TINAG: variants seen among roughly 807,000 people sequenced by gnomAD.
TINAG encodes tubulointerstitial nephritis antigen.
In TINAG, 83 loss-of-function variants were observed where a neutral mutation model predicts 72.7. The observed-to-expected ratio is 1.14, with a 90% CI of 0.96 to 1.37. The LOEUF is 1.37. Among genes scored for constraint, TINAG ranks in the 40% most tolerant of loss-of-function variants. TINAG has a pLI of 0.00. For synonymous variants in TINAG, 234 were observed against 189.9 expected (o/e 1.23, Z -1.91); for missense variants, 685 against 576.6 (o/e 1.19, Z -1.93).
At chr6:54,337,698 T>C (rs1024057023) in intron 4 of TINAG, among the ~76,000 whole-genome samples, 4 of 152,172 alleles carry the variant, frequency 2.6e-5, no homozygotes, top group African/African-American at 7.2e-5. Flanking sequence ...AACACAGTTA[T>C]ATACTTTTTA....
At chr6:54,370,265 T>C (rs1285789678) in intron 9 of TINAG, among the ~76,000 whole-genome samples, 1 of 152,104 alleles carries the variant, frequency 6.6e-6, no homozygotes, top group Non-Finnish European at 1.5e-5. Context: ...ATTTCTTTTA[T>C]GTGAGTTTAC....
At chr6:54,324,062 T>C (rs1018653304) in intron 3 of TINAG, among the ~76,000 whole-genome samples, 1 of 152,126 alleles carries the variant, frequency 6.6e-6, no homozygotes, top group Non-Finnish European at 1.5e-5. Context: ...TAGGGGAGAA[T>C]AGAAGCTGTA....
intron 4 of TINAG, among the ~76,000 whole-genome samples, chr6:54,330,449 T>A (rs921613815): frequency 6.6e-6 from 1 of 152,150 alleles, no homozygotes; most frequent in African/African-American, 2.4e-5. Flanking sequence ...GGGACACAGC[T>A]AAAACAGTGT....
intron 4 of TINAG, among the ~76,000 whole-genome samples, chr6:54,335,616 T>G (rs1339451291): frequency 6.6e-6 from 1 of 152,170 alleles, no homozygotes; most frequent in East Asian, 1.9e-4. Context: ...AAGAACTGAG[T>G]TGAACTGGAA....
At chr6:54,353,978 A>G (rs1183348572) in intron 8 of TINAG, among the ~76,000 whole-genome samples, 1 of 151,894 alleles carries the variant, frequency 6.6e-6, no homozygotes, top group African/African-American at 2.4e-5. Context: ...AAAGTGTACA[A>G]CATTGCTTAT....
intron 9 of TINAG, among the ~76,000 whole-genome samples, chr6:54,355,575 A>G (rs1763011624): frequency 6.6e-6 from 1 of 151,882 alleles, no homozygotes; most frequent in African/African-American, 2.4e-5. Flanking sequence ...AAATTATCAC[A>G]TTTCTTTGAA....
At chr6:54,377,165 A>T (rs1763807835) in intron 9 of TINAG, among the ~76,000 whole-genome samples, 1 of 152,184 alleles carries the variant, frequency 6.6e-6, no homozygotes, top group African/African-American at 2.4e-5. Context: ...CCAAATAGCC[A>T]GTATTAAGAT....
At chr6:54,343,375 C>T (rs769112805) in intron 5 of TINAG, 26 bp downstream of exon 5, 2 of 1,472,968 alleles carry the variant, frequency 1.4e-6, no homozygotes, top group Non-Finnish European at 1.8e-6. Flanking sequence ...TAATTCCTTC[C>T]TTATAAACTA....
chr6:54,347,000 T>C (rs1330813456), intron 5 of TINAG, among the ~76,000 whole-genome samples: 1 of 152,146 alleles, frequency 6.6e-6, no homozygotes, highest in East Asian at 1.9e-4. Context: ...ATATGCAAGA[T>C]ACTGTTCTAG....
chr6:54,320,451 T>A (rs897828558), intron 1 of TINAG, 128 bp from the exon 2 acceptor site: 7 of 645,326 alleles, frequency 1.1e-5, no homozygotes, highest in African/African-American at 1.8e-5. Context: ...TGGATTTCTA[T>A]CAGCTTTTTT....
At chr6:54,350,493 T>C (rs1785239760) in intron 7 of TINAG, among the ~76,000 whole-genome samples, 1 of 151,626 alleles carries the variant, frequency 6.6e-6, no homozygotes, top group African/African-American at 2.4e-5. Flanking sequence ...GTACTACTTT[T>C]ATACACTCAT....
At chr6:54,365,013 C>T (rs1763362640) in intron 9 of TINAG, among the ~76,000 whole-genome samples, 1 of 151,390 alleles carries the variant, frequency 6.6e-6, no homozygotes, top group African/African-American at 2.4e-5. Flanking sequence ...TCTTTTTCCT[C>T]TGTCTTTTTG....
At chr6:54,331,671 C>T (rs1034237561) in intron 4 of TINAG, among the ~76,000 whole-genome samples, 3 of 152,210 alleles carry the variant, frequency 2.0e-5, no homozygotes, top group African/African-American at 7.2e-5. Flanking sequence ...GTCAAATTGT[C>T]TCTGTTTGCA....
chr6:54,365,532 A>G (rs1421648271), intron 9 of TINAG: 1 of 151,552 alleles, frequency 6.6e-6, no homozygotes, highest in African/African-American at 2.4e-5. Context: ...AGGGACAATG[A>G]AGAAGAGCAT....
chr6:54,358,507 T>C (rs1374510305), intron 9 of TINAG, among the ~76,000 whole-genome samples: 1 of 150,732 alleles, frequency 6.6e-6, no homozygotes, highest in East Asian at 2.0e-4. Flanking sequence ...TTGCTGTTAC[T>C]TATATTTACA....
chr6:54,345,559 C>CACCATTTTTTAAATGGT (rs1785101092), intron 5 of TINAG, among the ~76,000 whole-genome samples: 1 of 152,132 alleles, frequency 6.6e-6, no homozygotes, highest in Non-Finnish European at 1.5e-5. Flanking sequence ...AACACAGTTA[C>CACCATTTTTTAAATGGT]ACCATTTTTT....
At chr6:54,374,069 T>A (rs958502141) in intron 9 of TINAG, among the ~76,000 whole-genome samples, 1 of 152,128 alleles carries the variant, frequency 6.6e-6, no homozygotes, top group African/African-American at 2.4e-5. Flanking sequence ...GAGTATGAAC[T>A]GGGCACACAC....
intron 3 of TINAG, among the ~76,000 whole-genome samples, chr6:54,326,326 A>C (rs1264070052): frequency 6.6e-6 from 1 of 151,900 alleles, no homozygotes; most frequent in Non-Finnish European, 1.5e-5. Flanking sequence ...AATTTTTAAA[A>C]ATCTGATGTC....
At chr6:54,345,194 A>C (rs2150956142) in intron 5 of TINAG, among the ~76,000 whole-genome samples, 1 of 152,250 alleles carries the variant, frequency 6.6e-6, no homozygotes, top group South Asian at 2.1e-4. Flanking sequence ...AGAGAGTGGA[A>C]AACAATTGGT....
Sources: gnomAD v4.1 joint callset for allele counts (sites outside exome capture counted in the v4.1 genomes callset) on GRCh38, gnomAD v4.1.1 for gene constraint, MANE v1.5 for transcripts, NCBI Gene and HGNC (gene_info 2026-07-23, HGNC 2026-07-21) for gene names.